The following C14orf93 variants were observed in gnomAD, a reference collection of about 807,000 sequenced individuals.
C14orf93 encodes uncharacterized protein C14orf93.
A neutral mutation model predicts 44.0 loss-of-function variants in C14orf93; 23 were observed. That is an observed-to-expected ratio of 0.52 (90% confidence interval 0.38 to 0.74). The LOEUF is 0.74. C14orf93 is among the 30% of genes least tolerant of loss of function. C14orf93 has a pLI of 0.00. For synonymous variants in C14orf93, 253 were observed against 265.7 expected, an observed-to-expected ratio of 0.95 and a Z score of 0.46; for missense variants, 579 against 678.9, an observed-to-expected ratio of 0.85 and a Z score of 1.64.
rs148179527 is a variant in C14orf93, at chr14:23,003,218, G to A, written c.-379-3816C>T. On this transcript the variant is annotated intron_variant, in intron 1 of 6. Coordinates refer to ENST00000299088, the MANE Select transcript of C14orf93 (RefSeq NM_021944.4). ...CAGGGCAACAAATAGGTGTTTTCCT[G>A]AATTAATTTGCCTATAAAAACTAGG... Among the ~76,000 whole-genome samples, 1,042 of 152,264 alleles carry A rather than the reference G, an allele frequency of 6.8e-3. 8 individuals are homozygous for A. Among genetic ancestry groups the A allele is most frequent in the Middle Eastern group, 0.01 (3 of 294 alleles).
Position 22,987,717 on chromosome 14 carries a change from T to C in C14orf93, c.1198-83A>G. 1.4e-6 allele frequency: 2 copies of C among 1,438,142 alleles called. No homozygotes were observed. The highest frequency in any genetic ancestry group is 1.9e-6 in the Non-Finnish European group (2 of 1,070,442). The allele number at this position is 1,438,142 out of a possible 1,614,324, so 89.1% of individuals were successfully genotyped here. On this transcript the variant is annotated intron_variant, in intron 6 of 6. Transcript: ENST00000299088. The surrounding 1 kb of genome is among the most constrained non-coding windows in gnomAD (Gnocchi z 5.6). ...GGGGAAAAGGTTTGGTGGGGAAGGC[T>C]GTGTAAAATCTGTGCCTAAGTGAAC...
chr14:23,008,354 C>T (rs1460311088), intron 1 of C14orf93, among the ~76,000 whole-genome samples: 2 of 152,120 alleles, frequency 1.3e-5, no homozygotes, highest in African/African-American at 4.8e-5. Context: ...ACCCAGAAAG[C>T]CCAAACAGGG....
At chr14:23,007,834 TA>T (rs1484582235) in intron 1 of C14orf93, among the ~76,000 whole-genome samples, 1 of 151,990 alleles carries the variant, frequency 6.6e-6, no homozygotes, top group Non-Finnish European at 1.5e-5. Context: ...GGAAAAGAGC[TA>T]AAAAGGGTAA....
rs761721675 is a variant in C14orf93 at position 22,988,055 on chromosome 14, T to G, written c.1085-40A>C. ...AGGAAGGGAGCAAGAAGGAGGGTCC[T>G]CTGAGTAGTGGTCCCCAGCCCGTTT... On this transcript the variant is annotated intron_variant, in intron 5 of 6. Coordinates refer to ENST00000299088, the MANE Select transcript of C14orf93 (RefSeq NM_021944.4). The G allele has an allele frequency of 4.0e-5, 57 of 1,424,620 alleles. No individual in the cohort carries two copies. The Admixed American group carries it at 9.5e-4, about 24-fold the overall frequency. The allele number at this position is 1,424,620 out of a possible 1,614,324, so 88.2% of individuals were successfully genotyped here.
chr14:22,990,810 T>C (rs2045565042), intron 3 of C14orf93, among the ~76,000 whole-genome samples: 1 of 150,632 alleles, frequency 6.6e-6, no homozygotes, highest in South Asian at 2.1e-4. Context: ...GCACTTTTTT[T>C]TCTTTCCTTT....
chr14:23,008,766 C>G (rs1164837957), intron 1 of C14orf93, among the ~76,000 whole-genome samples: 2 of 152,196 alleles, frequency 1.3e-5, no homozygotes, highest in African/African-American at 4.8e-5. Context: ...TTCTGTGACT[C>G]TTAGAAATGA....
intron 3 of C14orf93, among the ~76,000 whole-genome samples, chr14:22,992,635 T>C (rs1594616800): frequency 6.6e-6 from 1 of 151,576 alleles, no homozygotes; most frequent in African/African-American, 2.4e-5. Flanking sequence ...TGGGGTGCAG[T>C]GGCGTGATCT....
chr14:22,988,202 C>T (rs909227684), intron 5 of C14orf93, among the ~76,000 whole-genome samples, 187 bp from the exon 6 acceptor site: 3 of 151,094 alleles, frequency 2.0e-5, no homozygotes, highest in Admixed American at 2.0e-4. Context: ...GGCACAATCT[C>T]GGCTTACCAC....
intron 1 of C14orf93, among the ~76,000 whole-genome samples, chr14:23,003,875 TATATATATATATA>T (rs2046444081): frequency 3.5e-4 from 5 of 14,248 alleles, no homozygotes; most frequent in African/African-American, 6.4e-4. Flanking sequence ...TATATATATA[TATATATATATATA>T]TATATATATA....
intron 1 of C14orf93, among the ~76,000 whole-genome samples, chr14:23,009,344 C>A (rs560015988): frequency 6.6e-6 from 1 of 152,250 alleles, no homozygotes; most frequent in South Asian, 2.1e-4. Flanking sequence ...AAATTCACAT[C>A]CTAGGGGATA....
Position 22,996,238 on chromosome 14 carries a change from C to T in C14orf93, c.628G>A (p.Ala210Thr). 2 of 1,579,342 alleles carry T rather than the reference C, an allele frequency of 1.3e-6. No homozygotes were observed. Among genetic ancestry groups the T allele is most frequent in the South Asian group, 1.1e-5 (1 of 87,526 alleles). ...LVDDYVASEG[A>T]VQRVLVPAYA... is the part of the protein sequence containing the mutation. Reference sequence around the variant, plus strand: ...GCAGGGACCAGAACTCGCTGTACTGCACCCTCAGAGGCCACGTAATCATCC... The same window carrying T: ...GCAGGGACCAGAACTCGCTGTACTGTACCCTCAGAGGCCACGTAATCATCC... The change falls in exon 3 of 7, where the codon GCA (alanine) becomes ACA (threonine). Residue 210 changes from alanine (A) to threonine (T), a missense_variant. Ala to Thr is a moderately conservative substitution (Grantham distance 58). Transcript: ENST00000299088. This position sits in a 1 kb window ranked among gnomAD's most constrained non-coding sequence, Gnocchi z 4.1.
chr14:22,987,174 T>C lies in C14orf93; in HGVS notation c.*41A>G, dbSNP rs925740736. ...CCCATGGCCACCTATTTCTGAGACA[T>C]GGGGCATGGCGGAAGCCAGAGTTAT... On this transcript the variant is annotated 3_prime_UTR_variant, in exon 7 of 7. Transcript: ENST00000299088. The surrounding 1 kb of genome is among the most constrained non-coding windows in gnomAD (Gnocchi z 5.6). 5.8e-6 allele frequency: 9 copies of C among 1,544,694 alleles called. No individual in the cohort carries two copies. The highest frequency in any genetic ancestry group is 3.6e-5 in the South Asian group (3 of 82,286).
At chr14:23,006,441 C>T (rs184904723) in intron 1 of C14orf93, 23 of 152,296 alleles carry the variant, frequency 1.5e-4, no homozygotes, top group African/African-American at 5.3e-4. Flanking sequence ...TTAAAGGATT[C>T]CACGTAATCT....
intron 3 of C14orf93, chr14:22,993,959 C>A (rs2045814288): frequency 6.6e-6 from 1 of 152,330 alleles, no homozygotes; most frequent in African/African-American, 2.4e-5. Flanking sequence ...CCATGATGGG[C>A]AGCAGAACTC....
At chr14:22,993,477 T>C (rs1233583966) in intron 3 of C14orf93, among the ~76,000 whole-genome samples, 1 of 152,178 alleles carries the variant, frequency 6.6e-6, no homozygotes, top group Non-Finnish European at 1.5e-5. Context: ...TTTTACCTCT[T>C]AGTAGTCCAC....
rs146502870 is a variant in C14orf93, at chr14:22,997,546, A to G, written c.597+881T>C. The stretch of plus-strand genomic sequence containing the variant: ...TCTCTAAGATCTCTATAGTTGCTCC[A>G]TCTCCTTTTCATACTTCCATGTGTG... On this transcript the variant is annotated intron_variant, in intron 2 of 6. Transcript: ENST00000299088. Among the ~76,000 whole-genome samples, 65 of 152,144 alleles carry G rather than the reference A, an allele frequency of 4.3e-4. 1 individual carries two copies. In the East Asian group the frequency reaches 0.01, roughly 24 times the overall value.
At position 22,989,818 on chromosome 14, in the gene C14orf93, T is replaced by C; in HGVS notation, c.1008A>G (p.Val336=). The change falls in exon 5 of 7, where the codon GTA becomes GTG. Residue 336 remains valine (V), a synonymous_variant. Coordinates refer to ENST00000299088, the MANE Select transcript of C14orf93 (RefSeq NM_021944.4). ...TGAGCTTTTCCAGAAGAAACTTCAC[T>C]ACTGAAATATTCCAAGAGGACTTGA... The part of the protein sequence containing the change: ...ESIKSSWNIS[V]VKFLLEKLKQ... 1.2e-6 allele frequency: 2 copies of C among 1,614,048 alleles called. No individual in the cohort carries two copies. The highest frequency in any genetic ancestry group is 8.5e-7 in the Non-Finnish European group (1 of 1,179,910).
At position 22,987,673 on chromosome 14, in the gene C14orf93, C is replaced by A; in HGVS notation, c.1198-39G>T. On this transcript the variant is annotated intron_variant, in intron 6 of 6. Coordinates refer to ENST00000299088, the MANE Select transcript of C14orf93 (RefSeq NM_021944.4). The surrounding 1 kb of genome is among the most constrained non-coding windows in gnomAD (Gnocchi z 5.6). ...CCAGGAGATAGATTAGGAAGGTAAA[C>A]ATTCTATGGATTAGATTTGGGGAAA... 6.5e-7 allele frequency: 1 copy of A among 1,529,790 alleles called. No homozygotes were observed. The highest frequency in any genetic ancestry group is 1.3e-5 in the South Asian group (1 of 77,838). 94.8% of individuals were successfully genotyped at this position (1,529,790 alleles called of 1,614,324 possible).
intron 1 of C14orf93, among the ~76,000 whole-genome samples, chr14:23,003,702 G>T (rs2046420635): frequency 6.6e-6 from 1 of 150,932 alleles, no homozygotes. Flanking sequence ...TCAGGAGGCT[G>T]AGACAGGAGG....
Sources: allele counts gnomAD v4.1 joint callset (sites outside exome capture counted in the v4.1 genomes callset), GRCh38; gene constraint gnomAD v4.1.1; non-coding constraint Gnocchi (gnomAD v3.1); transcripts MANE v1.5; gene names NCBI Gene and HGNC (gene_info 2026-07-23, HGNC 2026-07-21).